Variants in GUCA1C observed in about 807,000 individuals in gnomAD.
The protein encoded by GUCA1C is guanylyl cyclase-activating protein 3.
A neutral mutation model predicts 16.2 loss-of-function variants in GUCA1C; 15 were observed. That is an observed-to-expected ratio of 0.93 (90% CI 0.62 to 1.43). GUCA1C has a LOEUF of 1.43. Among genes scored for constraint, GUCA1C ranks in the 40% most tolerant of loss-of-function variants. GUCA1C has a pLI of 0.00. For synonymous variants in GUCA1C, 78 were observed against 85.4 expected, an observed-to-expected ratio of 0.91 and a Z score of 0.48; for missense variants, 275 against 244.8, an observed-to-expected ratio of 1.12 and a Z score of -0.82.
At chr3:108,952,864 CTCTT>C (rs1453536053) in intron 1 of GUCA1C, among the ~76,000 whole-genome samples, 5 of 151,642 alleles carry the variant, frequency 3.3e-5, no homozygotes, top group African/African-American at 1.2e-4. Flanking sequence ...TTTTTTGTCT[CTCTT>C]TTTTTTTTCA....
intron 2 of GUCA1C, among the ~76,000 whole-genome samples, chr3:108,917,781 C>T (rs546835282): frequency 3.2e-4 from 49 of 152,264 alleles, no homozygotes; most frequent in African/African-American, 1.2e-3. Context: ...CACGGTGACT[C>T]ATACCTTTGG....
chr3:108,934,978 T>C (rs1946709849), intron 1 of GUCA1C, among the ~76,000 whole-genome samples: 1 of 151,814 alleles, frequency 6.6e-6, no homozygotes, highest in Admixed American at 6.6e-5. Flanking sequence ...CACGCCCGGC[T>C]AATTTTTTGT....
At position 108,916,188 on chromosome 3, in the gene GUCA1C, T is replaced by G. The variant is rs756505288; in HGVS notation, c.381A>C (p.Gln127His). ...TGATGAATTCTTCAGGACTCAGAGT[T>G]TGCTGGCCATTGAGGGCTTGTACCG... ...FMAVQALNGQ[Q>H]TLSPEEFINL... is the part of the protein sequence containing the mutation. The change falls in exon 3 of 4, where the codon CAA (glutamine) becomes CAC (histidine). Residue 127 changes from glutamine to histidine, a missense_variant. Physicochemically the swap from Gln to His is conservative, Grantham distance 24. Transcript: ENST00000261047. 4 of 1,613,794 alleles carry G rather than the reference T, an allele frequency of 2.5e-6. No homozygotes were observed. In the Admixed American group the frequency reaches 6.7e-5, roughly 27 times the overall value.
chr3:108,913,064 T>A (rs1946472483), intron 3 of GUCA1C, among the ~76,000 whole-genome samples: 1 of 152,284 alleles, frequency 6.6e-6, no homozygotes, highest in East Asian at 1.9e-4. Context: ...AGATGTGATG[T>A]TGACCATTCT....
intron 1 of GUCA1C, among the ~76,000 whole-genome samples, chr3:108,950,892 CT>C (rs1576559343): frequency 1.3e-5 from 2 of 152,104 alleles, no homozygotes; most frequent in East Asian, 3.9e-4. Flanking sequence ...GCTCCAGAAA[CT>C]TCAATGGGAA....
chr3:108,932,752 T>C (rs34278121), intron 1 of GUCA1C, among the ~76,000 whole-genome samples: 3,855 of 151,918 alleles, frequency 0.025, 74 homozygotes, highest in Middle Eastern at 0.12. Flanking sequence ...AGAAAGCCCA[T>C]CTCTACTAAA....
At chr3:108,911,969 AG>A (rs1946459660) in intron 3 of GUCA1C, among the ~76,000 whole-genome samples, 1 of 151,696 alleles carries the variant, frequency 6.6e-6, no homozygotes, top group Non-Finnish European at 1.5e-5. Flanking sequence ...AGCCGGGCGT[AG>A]TGGTGGGTGA....
chr3:108,933,986 A>T (rs1171732869), intron 1 of GUCA1C, among the ~76,000 whole-genome samples: 5 of 152,230 alleles, frequency 3.3e-5, no homozygotes. Context: ...TACACCATGG[A>T]ATACTATACA....
intron 2 of GUCA1C, among the ~76,000 whole-genome samples, chr3:108,918,715 T>C (rs1946543233): frequency 6.6e-6 from 1 of 152,210 alleles, no homozygotes; most frequent in African/African-American, 2.4e-5. Context: ...ATGCCTGGGC[T>C]GAATTCCATT....
chr3:108,948,520 G>C (rs756727971), intron 1 of GUCA1C, among the ~76,000 whole-genome samples: 2 of 152,078 alleles, frequency 1.3e-5, no homozygotes, highest in African/African-American at 4.8e-5. Flanking sequence ...TTTTGATGGA[G>C]CACCTACTCC....
At chr3:108,909,517 CA>C (rs1946426317) in intron 3 of GUCA1C, among the ~76,000 whole-genome samples, 1 of 152,154 alleles carries the variant, frequency 6.6e-6, no homozygotes, top group Non-Finnish European at 1.5e-5. Flanking sequence ...TTCCCAACCC[CA>C]AAGACTTTTC....
At chr3:108,936,060 C>T (rs6809180) in intron 1 of GUCA1C, among the ~76,000 whole-genome samples, 7,966 of 152,074 alleles carry the variant, frequency 0.052, 333 homozygotes, top group Middle Eastern at 0.12. Flanking sequence ...AGCCTAGGAG[C>T]TTGAAACCAG....
intron 1 of GUCA1C, among the ~76,000 whole-genome samples, chr3:108,941,185 C>A (rs1480677071): frequency 6.6e-6 from 1 of 152,200 alleles, no homozygotes; most frequent in Non-Finnish European, 1.5e-5. Context: ...AATCCCACAG[C>A]CCCGCTACTT....
intron 1 of GUCA1C, among the ~76,000 whole-genome samples, chr3:108,922,479 C>T (rs1946578931): frequency 6.6e-6 from 1 of 152,128 alleles, no homozygotes; most frequent in Non-Finnish European, 1.5e-5. Context: ...GTTCCCTTTT[C>T]TCTGCATCCA....
chr3:108,947,944 T>C (rs1946858667), intron 1 of GUCA1C, among the ~76,000 whole-genome samples: 1 of 152,198 alleles, frequency 6.6e-6, no homozygotes, highest in Non-Finnish European at 1.5e-5. Flanking sequence ...TAGTAGCTGA[T>C]TCATCAATGT....
chr3:108,922,206 T>C (rs374165869), intron 1 of GUCA1C, among the ~76,000 whole-genome samples: 32 of 123,170 alleles, frequency 2.6e-4, no homozygotes, highest in African/African-American at 8.2e-4. Context: ...CACACACATA[T>C]ATATATGGAT....
intron 2 of GUCA1C, among the ~76,000 whole-genome samples, chr3:108,919,312 T>C (rs761800004): frequency 1.3e-5 from 2 of 152,276 alleles, no homozygotes; most frequent in Non-Finnish European, 1.5e-5. Flanking sequence ...AAGATCTGTA[T>C]GCTGTATTTA....
intron 1 of GUCA1C, among the ~76,000 whole-genome samples, chr3:108,923,852 G>T (rs2593967): frequency 1.3e-5 from 2 of 151,926 alleles, no homozygotes; most frequent in African/African-American, 4.8e-5. Context: ...AGTTTTCCTC[G>T]TAGAGGTGTT....
intron 2 of GUCA1C, among the ~76,000 whole-genome samples, chr3:108,918,684 G>A (rs917958941): frequency 6.6e-6 from 1 of 152,064 alleles, no homozygotes; most frequent in Non-Finnish European, 1.5e-5. Flanking sequence ...CTATACTGTG[G>A]TACTTCCTTG....
Sources: gnomAD v4.1 joint callset for allele counts (sites outside exome capture counted in the v4.1 genomes callset) on GRCh38, gnomAD v4.1.1 for gene constraint, MANE v1.5 for transcripts, NCBI Gene and HGNC (gene_info 2026-07-23, HGNC 2026-07-21) for gene names.